The following C2CD3 variants were observed in gnomAD, a reference collection of about 807,000 sequenced individuals.
The protein encoded by C2CD3 is C2 domain containing 3 centriole elongation regulator.
C2CD3 carries 148 observed loss-of-function variants against 234.0 expected under a neutral mutation model. That is an observed-to-expected ratio of 0.63 (90% CI 0.55 to 0.72). C2CD3 has a LOEUF of 0.72. C2CD3 is among the 30% of genes least tolerant of loss of function. C2CD3 has a pLI of 0.00. For missense variants in C2CD3, 2,577 were observed against 2,811.5 expected, an observed-to-expected ratio of 0.92 and a Z score of 1.89; for synonymous variants, 1,000 against 1,035.4, an observed-to-expected ratio of 0.97 and a Z score of 0.66.
At chr11:74,071,933 G>T (rs1273178373) in intron 24 of C2CD3, among the ~76,000 whole-genome samples, 2 of 151,714 alleles carry the variant, frequency 1.3e-5, no homozygotes, top group African/African-American at 2.4e-5. Flanking sequence ...AGTATATTTT[G>T]CTTTTTTTTA....
rs58806804 is a variant in C2CD3 at position 74,153,210 on chromosome 11, AAAAACAAAACAAAAC to A, written c.483+8174_483+8188del. Among the ~76,000 whole-genome samples the A allele has an allele frequency of 4.6e-3, 679 of 148,140 alleles. 16 individuals carry two copies. The East Asian group carries it at 0.075, about 16-fold the overall frequency. On this transcript the variant is annotated intron_variant, in intron 3 of 32. Transcript: ENST00000334126. ...GTGACAGAGTGAGACTCTGTCTCTT[AAAAACAAAACAAAAC>A]AAAACAAAACAAAACAAAACAAAAC...
At chr11:74,084,707 TA>T (rs553066981) in intron 22 of C2CD3, among the ~76,000 whole-genome samples, 173 bp downstream of exon 22, 207 of 142,690 alleles carry the variant, frequency 1.5e-3, no homozygotes, top group Non-Finnish European at 1.3e-3. Context: ...ATCTTTAAAC[TA>T]AAAAAAAAAA....
chr11:74,119,176 C>A (rs1957130962), intron 8 of C2CD3, among the ~76,000 whole-genome samples: 1 of 152,134 alleles, frequency 6.6e-6, no homozygotes, highest in Non-Finnish European at 1.5e-5. Context: ...TCCCAAAGTG[C>A]TGGAATTACA....
intron 31 of C2CD3, among the ~76,000 whole-genome samples, chr11:74,032,339 T>C (rs1231910158): frequency 6.6e-6 from 1 of 152,150 alleles, no homozygotes; most frequent in Non-Finnish European, 1.5e-5. Flanking sequence ...AGCCGTACAA[T>C]ATTCCCTGCT....
intron 9 of C2CD3, among the ~76,000 whole-genome samples, chr11:74,116,977 TATATATACAC>T (rs1956984529): frequency 8.2e-6 from 1 of 122,392 alleles, no homozygotes; most frequent in South Asian, 2.4e-4. Flanking sequence ...CATATACACG[TATATATACAC>T]ATATACGTGT....
chr11:74,044,423 C>A (rs1348641831), intron 28 of C2CD3, among the ~76,000 whole-genome samples: 3 of 150,252 alleles, frequency 2.0e-5, no homozygotes, highest in Admixed American at 2.0e-4. Flanking sequence ...CCACTGCACT[C>A]CAGCCTGGCA....
chr11:74,021,917 G>T (rs1952103298), intron 32 of C2CD3, among the ~76,000 whole-genome samples: 1 of 152,216 alleles, frequency 6.6e-6, no homozygotes, highest in Admixed American at 6.5e-5. Context: ...CTTGAGGTCA[G>T]GAGTTCGAGA....
chr11:74,133,417 T>A lies in C2CD3; in HGVS notation c.1088+8A>T, dbSNP rs760157446. On this transcript the variant is annotated splice_region_variant and intron_variant, in intron 6 of 32. Transcript: ENST00000334126. ...AACTGTTAAGGTTCTGTCTATCCTG[T>A]AACTTACTGTGTTGATGCTCTAAGA... is the stretch of plus-strand genomic sequence containing the variant. 1.2e-6 allele frequency: 2 copies of A among 1,612,884 alleles called. No individual in the cohort carries two copies. The highest frequency in any genetic ancestry group is 1.7e-5 in the Admixed American group (1 of 59,996).
chr11:74,040,490 T>C (rs914381215), intron 29 of C2CD3, among the ~76,000 whole-genome samples: 1 of 152,144 alleles, frequency 6.6e-6, no homozygotes, highest in Non-Finnish European at 1.5e-5. Context: ...TAAAGTCTTT[T>C]GGCCGGGTGC....
intron 3 of C2CD3, among the ~76,000 whole-genome samples, chr11:74,150,495 AAAAAAAAAAAAAAAAAAAAAC>A (rs1254031740): frequency 7.4e-5 from 7 of 94,944 alleles, no homozygotes; most frequent in Non-Finnish European, 1.4e-4. Context: ...CCTGTCTCAA[AAAAAAAAAAAAAAAAAAAAAC>A]AAAAAAAAAA....
rs534569555 is a variant in C2CD3 at position 74,073,372 on chromosome 11, C to A, written c.4951+881G>T. 5.3e-5 allele frequency among the ~76,000 whole-genome samples: 8 copies of A among 151,980 alleles called. No homozygotes were observed. In the East Asian group the frequency reaches 1.4e-3, roughly 26 times the overall value. The stretch of plus-strand genomic sequence containing the variant: ...GAGGCTGAGGTGGGTGGATCACTTG[C>A]GGTCAGGAGTTCGAGATCAGCCTGT... On this transcript the variant is annotated intron_variant, in intron 24 of 32. Transcript: ENST00000334126.
At position 74,037,715 on chromosome 11, in the gene C2CD3, GAGA is replaced by G. The variant is rs780240398; in HGVS notation, c.5661-20_5661-18del. On this transcript the variant is annotated intron_variant, in intron 29 of 32. Transcript: ENST00000334126. ...AGATTCTTCCTATAAACAAAAGGGGGAGAAGAAGACAAAGGGGTAATTCATGGA... is the reference window on the plus strand; with the variant it reads ...AGATTCTTCCTATAAACAAAAGGGGGAGAAGACAAAGGGGTAATTCATGGA... 1.5e-5 allele frequency: 24 copies of G among 1,587,348 alleles called. No individual in the cohort carries two copies. The highest frequency in any genetic ancestry group is 2.7e-5 in the African/African-American group (2 of 74,404).
intron 26 of C2CD3, among the ~76,000 whole-genome samples, chr11:74,053,602 A>T (rs1451299929): frequency 6.6e-6 from 1 of 152,184 alleles, no homozygotes; most frequent in Admixed American, 6.5e-5. Context: ...ATGTGGTTAG[A>T]CTTTCTTCTT....
chr11:74,125,430 G>C (rs1427421511), intron 7 of C2CD3, among the ~76,000 whole-genome samples: 1 of 152,108 alleles, frequency 6.6e-6, no homozygotes, highest in Admixed American at 6.5e-5. Flanking sequence ...TGGAATTACA[G>C]GTGTGAGCCC....
chr11:74,127,886 G>A (rs924867369), intron 7 of C2CD3, among the ~76,000 whole-genome samples: 39 of 150,456 alleles, frequency 2.6e-4, no homozygotes, highest in African/African-American at 9.5e-4. Context: ...TTTTTGAGAC[G>A]GAGTCTCACT....
intron 31 of C2CD3, among the ~76,000 whole-genome samples, chr11:74,031,937 G>T (rs1952535955): frequency 6.6e-6 from 1 of 152,186 alleles, no homozygotes; most frequent in Non-Finnish European, 1.5e-5. Context: ...CCTTTCCTGA[G>T]CCCACTCTCC....
At chr11:74,130,226 C>CTTT (rs752226149) in intron 7 of C2CD3, among the ~76,000 whole-genome samples, 1 of 128,970 alleles carries the variant, frequency 7.8e-6, no homozygotes. Flanking sequence ...AAGGGTCCAA[C>CTTT]TTTTTTTTTT....
intron 18 of C2CD3, 98 bp from the exon 19 acceptor site, chr11:74,092,686 C>T: frequency 1.0e-6 from 1 of 986,578 alleles, no homozygotes; most frequent in Non-Finnish European, 1.5e-6. Context: ...ATCTTTGGTG[C>T]CTGATTGTTC....
At chr11:74,139,953 T>G in intron 3 of C2CD3, 125 bp from the exon 4 acceptor site, 1 of 465,728 alleles carries the variant, frequency 2.1e-6, no homozygotes, top group East Asian at 3.5e-5. Flanking sequence ...TGTCCCCCAT[T>G]CCCTAGAGGA....
Sources: allele counts gnomAD v4.1 joint callset (sites outside exome capture counted in the v4.1 genomes callset), GRCh38; gene constraint gnomAD v4.1.1; transcripts MANE v1.5; gene names NCBI Gene and HGNC (gene_info 2026-07-23, HGNC 2026-07-21).